Variants in TMSB15B observed in about 807,000 individuals in gnomAD.
TMSB15B encodes thymosin beta 15B, also known as thymosin beta-15B.
rs1602435158 is a variant in TMSB15B at position 103,928,010 on chromosome X, T to C, written c.-721+8718T>C. 9.3e-6 allele frequency: 5 copies of C among 538,715 alleles called. No individual in the cohort carries two copies. In the East Asian group the frequency reaches 1.8e-4, roughly 19 times the overall value. The allele number at this position is 538,715 out of a possible 1,213,427, so 44.4% of individuals were successfully genotyped here. ...TTCATTTCCAATTAAGCAATGAGAA[T>C]GCTTGCCAACGGAATTAATTGGTCG... is the stretch of plus-strand genomic sequence containing the variant. On this transcript the variant is annotated intron_variant, in intron 1 of 3. Transcript: ENST00000419165.
intron 1 of TMSB15B, chrX:103,919,435 G>A (rs1257295430): frequency 2.7e-5 from 3 of 112,541 alleles, no homozygotes; most frequent in African/African-American, 9.7e-5. Flanking sequence ...CTTTGTATAG[G>A]GGGAAGGGGG....
At chrX:103,925,176 G>C (rs1204430271) in intron 1 of TMSB15B, among the ~76,000 whole-genome samples, 1 of 111,877 alleles carries the variant, frequency 8.9e-6, no homozygotes, top group Admixed American at 9.5e-5. Context: ...ACAATGTTTT[G>C]AGGTGGGTCT....
chrX:103,949,184 C>G (rs1448474295), intron 1 of TMSB15B, among the ~76,000 whole-genome samples: 4 of 109,253 alleles, frequency 3.7e-5, no homozygotes, highest in Non-Finnish European at 5.6e-5. Context: ...GAGAGCAGAT[C>G]AGAGATCAGA....
chrX:103,946,952 C>T (rs782062575), intron 1 of TMSB15B, among the ~76,000 whole-genome samples: 4 of 111,185 alleles, frequency 3.6e-5, no homozygotes, highest in Non-Finnish European at 7.5e-5. Context: ...AAGATTGGTA[C>T]AGGCTTTTTG....
At chrX:103,926,756 C>T (rs1309693109) in intron 1 of TMSB15B, among the ~76,000 whole-genome samples, 2 of 110,419 alleles carry the variant, frequency 1.8e-5, no homozygotes, top group Non-Finnish European at 3.8e-5. Context: ...GAGTCCCAAC[C>T]TTCATGCCCC....
intron 1 of TMSB15B, among the ~76,000 whole-genome samples, chrX:103,929,994 A>C (rs1304315470): frequency 9.0e-6 from 1 of 110,639 alleles, no homozygotes; most frequent in Non-Finnish European, 1.9e-5. Flanking sequence ...CATTAGGTAT[A>C]TCTCCTAATG....
rs782378912 is a variant in TMSB15B at position 103,928,758 on chromosome X, T to C, written c.-721+9466T>C. ...CTGCCTTGGTGTCTGGTAGTGTCAA[T>C]GAAACAATCACCTGCCTAGTTCTGT... On this transcript the variant is annotated intron_variant, in intron 1 of 3. Transcript: ENST00000419165. 15 of 1,176,942 alleles carry C rather than the reference T, an allele frequency of 1.3e-5. 1 individual carries two copies. The South Asian group carries it at 1.8e-4, about 14-fold the overall frequency.
intron 1 of TMSB15B, among the ~76,000 whole-genome samples, chrX:103,945,567 A>G (rs1291249924): frequency 1.8e-5 from 2 of 112,477 alleles, no homozygotes; most frequent in African/African-American, 3.2e-5. Flanking sequence ...GAAGCCTGTT[A>G]AATATTCCAC....
intron 1 of TMSB15B, among the ~76,000 whole-genome samples, chrX:103,927,481 T>A (rs2074971569): frequency 8.9e-6 from 1 of 111,843 alleles, no homozygotes; most frequent in African/African-American, 3.3e-5. Context: ...AGCTGCTCTT[T>A]CCCTTCCCCA....
At chrX:103,936,863 T>C (rs1432693166) in intron 1 of TMSB15B, among the ~76,000 whole-genome samples, 3 of 112,334 alleles carry the variant, frequency 2.7e-5, no homozygotes. Context: ...TTAATGGGTG[T>C]TGAATTTTAT....
At chrX:103,929,106 T>C in intron 1 of TMSB15B, 1 of 686,429 alleles carries the variant, frequency 1.5e-6, no homozygotes. Context: ...CTCGGTTGCC[T>C]AATACAGCCA....
At chrX:103,919,588 C>T (rs1480079408) in intron 1 of TMSB15B, 3 of 111,639 alleles carry the variant, frequency 2.7e-5, no homozygotes, top group African/African-American at 9.8e-5. Context: ...AAGTGCAGAG[C>T]TAAGAGCTCA....
intron 1 of TMSB15B, among the ~76,000 whole-genome samples, chrX:103,944,752 C>A (rs1286976437): frequency 8.9e-6 from 1 of 112,131 alleles, no homozygotes; most frequent in East Asian, 2.8e-4. Flanking sequence ...TCTCCCACAG[C>A]ACTTTGTTCA....
At chrX:103,936,231 C>A (rs2074997521) in intron 1 of TMSB15B, among the ~76,000 whole-genome samples, 1 of 111,597 alleles carries the variant, frequency 9.0e-6, no homozygotes, top group African/African-American at 3.3e-5. Context: ...AACCTATAAA[C>A]TACTTTGGGC....
intron 1 of TMSB15B, among the ~76,000 whole-genome samples, chrX:103,946,027 T>C (rs2075024758): frequency 8.9e-6 from 1 of 112,327 alleles, no homozygotes; most frequent in Non-Finnish European, 1.9e-5. Flanking sequence ...TGACCCTATT[T>C]ACAAACTTAC....
At chrX:103,950,297 G>T (rs1329788885) in intron 1 of TMSB15B, among the ~76,000 whole-genome samples, 1 of 111,376 alleles carries the variant, frequency 9.0e-6, no homozygotes, top group Admixed American at 9.5e-5. Flanking sequence ...ACATTCCAAA[G>T]GCTCTAAGAC....
intron 1 of TMSB15B, chrX:103,928,424 G>T (rs1484531642): frequency 7.5e-6 from 9 of 1,205,908 alleles, no homozygotes; most frequent in Non-Finnish European, 1.0e-5. Flanking sequence ...TCTCCTGTTG[G>T]GCCACACACC....
chrX:103,954,803 A>G (rs188357671), intron 1 of TMSB15B, among the ~76,000 whole-genome samples: 1,256 of 111,519 alleles, frequency 0.011, 11 homozygotes, highest in South Asian at 0.099. Flanking sequence ...CAGCCTACAC[A>G]GTCTCCAGCA....
At chrX:103,974,378 T>C in the TMSB15B span, among the ~76,000 whole-genome samples, 1 of 14,685 alleles carries the variant, frequency 6.8e-5, no homozygotes, top group African/African-American at 9.4e-5. Context: ...TACATATACA[T>C]ATATATATAT....
Sources: allele counts gnomAD v4.1 joint callset (sites outside exome capture counted in the v4.1 genomes callset), GRCh38; gene constraint gnomAD v4.1.1; transcripts MANE v1.5; gene names NCBI Gene and HGNC (gene_info 2026-07-23, HGNC 2026-07-21).